The following NIPAL2 variants were observed in gnomAD, a reference collection of about 807,000 sequenced individuals.
NIPAL2 encodes NIPA like domain containing 2, also known as NIPA-like protein 2.
In NIPAL2, 43 loss-of-function variants were observed where a neutral mutation model predicts 48.9. The observed-to-expected ratio is 0.88, with a 90% CI of 0.69 to 1.13. The LOEUF (loss-of-function observed/expected upper bound fraction) is 1.13, where lower values mean the gene tolerates loss of function less well. Ranked by LOEUF, NIPAL2 falls within the 50% of genes most tolerant of loss-of-function variation. NIPAL2 has a pLI of 0.00. For synonymous variants in NIPAL2, 167 were observed against 174.6 expected (o/e 0.96, Z 0.34); for missense variants, 446 against 461.4 (o/e 0.97, Z 0.31).
At chr8:98,288,592 T>A (rs1816324992) in intron 1 of NIPAL2, among the ~76,000 whole-genome samples, 2 of 150,784 alleles carry the variant, frequency 1.3e-5, no homozygotes, top group Non-Finnish European at 1.5e-5. Flanking sequence ...TATTTCCAGT[T>A]CTAGATCCCT....
rs140661050 is a variant in NIPAL2 at position 98,247,459 on chromosome 8, T to C, written c.376+5004A>G. Among the ~76,000 whole-genome samples, 142 of 152,158 alleles carry C rather than the reference T, an allele frequency of 9.3e-4. 1 individual carries two copies. Among genetic ancestry groups the C allele is most frequent in the African/African-American group, 3.3e-3 (136 of 41,502 alleles). On this transcript the variant is annotated intron_variant, in intron 3 of 10. Coordinates refer to ENST00000430223, the MANE Select transcript of NIPAL2 (RefSeq NM_001321635.2). ...GGGGAAGTGTAGGGCAGGGTTGCTG[T>C]GTGTGGTTGGGCGGGCTGTGTAAGT...
At chr8:98,223,021 CAGGGAAACTATCACATGA>C (rs1480900180) in intron 4 of NIPAL2, among the ~76,000 whole-genome samples, 1 of 152,072 alleles carries the variant, frequency 6.6e-6, no homozygotes, top group African/African-American at 2.4e-5. Context: ...GTCCAGAGGA[CAGGGAAACTATCACATGA>C]TGATCTGCTC....
intron 1 of NIPAL2, among the ~76,000 whole-genome samples, chr8:98,281,420 A>G (rs1434224724): frequency 1.3e-5 from 2 of 152,146 alleles, no homozygotes; most frequent in Non-Finnish European, 1.5e-5. Context: ...AAGATCAACT[A>G]TTTGATAGCA....
At chr8:98,288,923 C>T (rs977083288) in intron 1 of NIPAL2, among the ~76,000 whole-genome samples, 20 of 152,222 alleles carry the variant, frequency 1.3e-4, no homozygotes, top group African/African-American at 4.6e-4. Flanking sequence ...CCAGAGGAAT[C>T]GCTGGCCTGA....
At chr8:98,267,535 G>T (rs1341912342) in intron 1 of NIPAL2, among the ~76,000 whole-genome samples, 2 of 151,912 alleles carry the variant, frequency 1.3e-5, no homozygotes, top group African/African-American at 2.4e-5. Context: ...TCCCAGGCTG[G>T]TCTCAAACAC....
chr8:98,195,293 T>C (rs748104554), intron 9 of NIPAL2, among the ~76,000 whole-genome samples: 1 of 152,126 alleles, frequency 6.6e-6, no homozygotes, highest in Non-Finnish European at 1.5e-5. Context: ...ACACCGAAAA[T>C]AGCCTAGGCT....
rs1011755624 is a variant in NIPAL2, at chr8:98,217,405, A to C, written c.559-4904T>G. ...CAGGCTTATACATATTTTAGAAGTT[A>C]TTTGATCAGTCCCGAAAGCCAATTC... On this transcript the variant is annotated intron_variant, in intron 5 of 10. Coordinates refer to ENST00000430223, the MANE Select transcript of NIPAL2 (RefSeq NM_001321635.2). 2.6e-5 allele frequency: 25 copies of C among 944,870 alleles called. No individual in the cohort carries two copies. In the Admixed American group the frequency reaches 1.4e-3, roughly 51 times the overall value. The allele number at this position is 944,870 out of a possible 1,614,324, so 58.5% of individuals were successfully genotyped here. A position where few individuals can be genotyped will look rare whatever the true frequency, so the allele number is the denominator to read the frequency against.
Position 98,254,048 on chromosome 8 carries a change from A to C in NIPAL2, c.175T>G (p.Leu59Val). 2 of 1,611,492 alleles carry C rather than the reference A, an allele frequency of 1.2e-6. No homozygotes were observed. The highest frequency in any genetic ancestry group is 1.7e-6 in the Non-Finnish European group (2 of 1,178,386). ...FGVLLAILGN[L>V]VISISLNIQK... ...ATATTTAGAGAAATACTGATCACCAAGTTTCCTAAAATAGCCAGCAAAACT... is the reference window on the plus strand; with the variant it reads ...ATATTTAGAGAAATACTGATCACCACGTTTCCTAAAATAGCCAGCAAAACT... Residue 59 changes from leucine (L) to valine (V), a missense_variant, in exon 2 of 11, where the codon TTG becomes GTG. Physicochemically the swap from Leu to Val is conservative, Grantham distance 32. Transcript: ENST00000430223.
chr8:98,262,412 C>A (rs1215050071), intron 1 of NIPAL2, among the ~76,000 whole-genome samples: 5 of 147,200 alleles, frequency 3.4e-5, no homozygotes, highest in Admixed American at 6.8e-5. Flanking sequence ...CACATAGGCT[C>A]AAAATAAAAG....
intron 3 of NIPAL2, among the ~76,000 whole-genome samples, chr8:98,251,990 G>A (rs558784975): frequency 6.6e-6 from 1 of 151,880 alleles, no homozygotes; most frequent in East Asian, 1.9e-4. Context: ...GTAGATATTT[G>A]TGACATTACT....
intron 5 of NIPAL2, among the ~76,000 whole-genome samples, chr8:98,215,251 C>T (rs901669959): frequency 1.3e-5 from 2 of 152,182 alleles, no homozygotes; most frequent in African/African-American, 4.8e-5. Context: ...AACATGAGTT[C>T]CCATTATTCA....
Position 98,252,651 on chromosome 8 carries a change from A to C in NIPAL2, c.205-17T>G. The C allele has an allele frequency of 6.3e-7, 1 of 1,597,928 alleles. No homozygotes were observed. The highest frequency in any genetic ancestry group is 8.5e-7 in the Non-Finnish European group (1 of 1,174,660). On this transcript the variant is annotated splice_polypyrimidine_tract_variant and intron_variant, in intron 2 of 10. Coordinates refer to ENST00000430223, the MANE Select transcript of NIPAL2 (RefSeq NM_001321635.2). ...AGAATATTTCTGAAAGTAAATCAGA[A>C]GACAAATAAGAAAACATTCTGAGCT... is the stretch of plus-strand genomic sequence containing the variant.
chr8:98,252,260 C>T (rs78080796), intron 3 of NIPAL2: 15,476 of 520,844 alleles, frequency 0.03, 347 homozygotes, highest in Non-Finnish European at 0.041. Flanking sequence ...GTGTTAGAGT[C>T]ACAAAATGCA....
At chr8:98,204,357 C>A (rs1810933670) in intron 7 of NIPAL2, among the ~76,000 whole-genome samples, 1 of 152,130 alleles carries the variant, frequency 6.6e-6, no homozygotes, top group Admixed American at 6.5e-5. Flanking sequence ...ACAGAAGGAA[C>A]CACTCTTGTA....
At chr8:98,282,030 C>G (rs1158468205) in intron 1 of NIPAL2, among the ~76,000 whole-genome samples, 3 of 152,302 alleles carry the variant, frequency 2.0e-5, no homozygotes, top group South Asian at 4.1e-4. Context: ...CTCTTTCTGC[C>G]AGGCAAGGTA....
At chr8:98,268,504 C>A (rs1251583931) in intron 1 of NIPAL2, among the ~76,000 whole-genome samples, 1 of 151,742 alleles carries the variant, frequency 6.6e-6, no homozygotes, top group Non-Finnish European at 1.5e-5. Context: ...GTCTTTAATC[C>A]CAGCTACTTG....
At chr8:98,237,457 C>G (rs569372242) in intron 3 of NIPAL2, among the ~76,000 whole-genome samples, 1 of 152,210 alleles carries the variant, frequency 6.6e-6, no homozygotes, top group South Asian at 2.1e-4. Flanking sequence ...TAGCTTCCCT[C>G]TGACCTCCCA....
chr8:98,266,971 T>A (rs997153078), intron 1 of NIPAL2, among the ~76,000 whole-genome samples: 7 of 150,624 alleles, frequency 4.6e-5, no homozygotes, highest in African/African-American at 1.5e-4. Context: ...AAATGGTTCC[T>A]TTAAAAAAAA....
In NIPAL2 at chr8:98,286,435, G is replaced by A. The variant is rs150510129; in HGVS notation, c.135+7568C>T. Among the ~76,000 whole-genome samples the A allele has an allele frequency of 3.9e-5, 6 of 152,250 alleles. No homozygotes were observed. In the East Asian group the frequency reaches 7.7e-4, roughly 20 times the overall value. ...AATGCAATCTTCAGTGAGGCATGGAGCTCATAACTAAATATATGTTAGCCC... is the reference window on the plus strand; with the variant it reads ...AATGCAATCTTCAGTGAGGCATGGAACTCATAACTAAATATATGTTAGCCC... On this transcript the variant is annotated intron_variant, in intron 1 of 10. Coordinates refer to ENST00000430223, the MANE Select transcript of NIPAL2 (RefSeq NM_001321635.2).
Sources: gnomAD v4.1 joint callset for allele counts (sites outside exome capture counted in the v4.1 genomes callset) on GRCh38, gnomAD v4.1.1 for gene constraint, MANE v1.5 for transcripts, NCBI Gene and HGNC (gene_info 2026-07-23, HGNC 2026-07-21) for gene names.